Variants in MAP4K5 observed in about 807,000 individuals in gnomAD.
The protein encoded by MAP4K5 is mitogen-activated protein kinase kinase kinase kinase 5.
MAP4K5 carries 82 observed loss-of-function variants against 135.6 expected under a neutral mutation model. That is an observed-to-expected ratio of 0.60 (90% CI 0.51 to 0.73). The LOEUF is 0.73. Among genes scored for constraint, MAP4K5 ranks in the 30% least tolerant of loss-of-function variants. The probability of loss-of-function intolerance (pLI) is 0.00; values close to 1 mark genes in which losing one functional copy is unlikely to be tolerated. For missense variants in MAP4K5, 907 were observed against 1,010.9 expected, an observed-to-expected ratio of 0.90 and a Z score of 1.39; for synonymous variants, 347 against 335.0, an observed-to-expected ratio of 1.04 and a Z score of -0.39.
Position 50,419,323 on chromosome 14 carries a change from A to AGGGC in MAP4K5, c.*695_*696insGCCC, listed in dbSNP as rs2035672348. 1 of 152,242 alleles carries AGGGC rather than the reference A, an allele frequency of 6.6e-6. No individual in the cohort carries two copies. The highest frequency in any genetic ancestry group is 2.4e-5 in the African/African-American group (1 of 41,456). 9.4% of individuals were successfully genotyped at this position (152,242 alleles called of 1,614,324 possible). ...CTTACAACTATCTGTAGTTGAAAAC[A>AGGGC]TAAGACTCCCTTTTAAGGTAATTCT... On this transcript the variant is annotated 3_prime_UTR_variant, in exon 33 of 33. Coordinates refer to ENST00000682126, the MANE Select transcript of MAP4K5 (RefSeq NM_006575.6).
At chr14:50,518,261 T>A (rs899451811) in intron 2 of MAP4K5, among the ~76,000 whole-genome samples, 1 of 152,182 alleles carries the variant, frequency 6.6e-6, no homozygotes, top group African/African-American at 2.4e-5. Context: ...CCTAAACTCA[T>A]TAATTTTTTT....
intron 28 of MAP4K5, among the ~76,000 whole-genome samples, chr14:50,434,064 T>C (rs976163975): frequency 6.6e-6 from 1 of 152,198 alleles, no homozygotes; most frequent in Admixed American, 6.5e-5. Flanking sequence ...GTGAAGCTCT[T>C]TGCTTGAGGC....
intron 28 of MAP4K5, among the ~76,000 whole-genome samples, chr14:50,430,122 TCA>T (rs200135582): frequency 1.3e-5 from 2 of 151,704 alleles, no homozygotes; most frequent in African/African-American, 4.8e-5. Flanking sequence ...CTGAACATAT[TCA>T]CACACACACA....
At chr14:50,434,280 G>C in intron 28 of MAP4K5, 114 bp downstream of exon 28, 1 of 732,332 alleles carries the variant, frequency 1.4e-6, no homozygotes, top group Non-Finnish European at 2.2e-6. Context: ...GGGAAACTAT[G>C]TTTTGAATAT....
chr14:50,541,983 G>T (rs933690643), intron 2 of MAP4K5, among the ~76,000 whole-genome samples: 2 of 117,818 alleles, frequency 1.7e-5, no homozygotes, highest in African/African-American at 3.4e-5. Context: ...CTCCAGCCTG[G>T]GCGACAGAGC....
At chr14:50,504,679 T>C (rs2037772567) in intron 3 of MAP4K5, 121 bp downstream of exon 3, 1 of 708,144 alleles carries the variant, frequency 1.4e-6, no homozygotes, top group Non-Finnish European at 2.3e-6. Context: ...TTCAGGGTAA[T>C]TTAATTGAAG....
At chr14:50,457,203 C>CA (rs2139783563) in intron 13 of MAP4K5, among the ~76,000 whole-genome samples, 1 of 152,304 alleles carries the variant, frequency 6.6e-6, no homozygotes, top group African/African-American at 2.4e-5. Flanking sequence ...GCCCAATCGA[C>CA]AAAGGCTCTG....
At chr14:50,463,849 C>T (rs2036766649) in intron 12 of MAP4K5, among the ~76,000 whole-genome samples, 1 of 127,318 alleles carries the variant, frequency 7.9e-6, no homozygotes, top group Non-Finnish European at 1.6e-5. Context: ...TGAGATCATG[C>T]CACTGCACTC....
intron 2 of MAP4K5, among the ~76,000 whole-genome samples, chr14:50,524,361 T>G (rs2038214352): frequency 1.3e-5 from 2 of 152,166 alleles, no homozygotes; most frequent in South Asian, 4.2e-4. Context: ...AACTCCTTGC[T>G]TACATGACCA....
intron 2 of MAP4K5, among the ~76,000 whole-genome samples, chr14:50,539,896 T>C (rs141570667): frequency 1.3e-5 from 2 of 152,190 alleles, no homozygotes; most frequent in African/African-American, 4.8e-5. Context: ...GAAGAAAGAA[T>C]CTCAAGGTTT....
intron 3 of MAP4K5, among the ~76,000 whole-genome samples, chr14:50,488,822 C>T (rs2037422754): frequency 6.6e-6 from 1 of 152,116 alleles, no homozygotes; most frequent in African/African-American, 2.4e-5. Context: ...ATATATTCTT[C>T]GTATATCTGC....
intron 3 of MAP4K5, among the ~76,000 whole-genome samples, chr14:50,493,260 C>T (rs748867489): frequency 5.9e-5 from 9 of 151,978 alleles, no homozygotes; most frequent in Non-Finnish European, 1.2e-4. Context: ...CTGCCATATC[C>T]GGCTAATATT....
At chr14:50,479,088 T>C (rs1238576046) in intron 6 of MAP4K5, among the ~76,000 whole-genome samples, 1 of 151,870 alleles carries the variant, frequency 6.6e-6, no homozygotes, top group Admixed American at 6.6e-5. Context: ...TTAATAGTTA[T>C]CATCAAGTAT....
chr14:50,482,317 T>A, intron 6 of MAP4K5, 44 bp downstream of exon 6: 1 of 1,162,336 alleles, frequency 8.6e-7, no homozygotes, highest in East Asian at 2.9e-5. Flanking sequence ...TAAGAAAATA[T>A]TGCCTAGAAT....
chr14:50,560,580 A>G (rs1162852342), intron 1 of MAP4K5: 2 of 496,056 alleles, frequency 4.0e-6, no homozygotes, highest in Admixed American at 6.6e-5. Context: ...CAGCATTTGG[A>G]CAGCACCCAC....
chr14:50,556,266 G>A (rs1200572119), intron 1 of MAP4K5, among the ~76,000 whole-genome samples: 2 of 152,144 alleles, frequency 1.3e-5, no homozygotes, highest in African/African-American at 4.8e-5. Context: ...GTCTTGCTCT[G>A]TCATCCAGGC....
chr14:50,500,751 C>A (rs1408012165), intron 3 of MAP4K5, among the ~76,000 whole-genome samples: 3 of 152,072 alleles, frequency 2.0e-5, no homozygotes, highest in Non-Finnish European at 4.4e-5. Context: ...AGGATGTGTT[C>A]TGGAGGTAGA....
In MAP4K5 at chr14:50,419,260, G is replaced by A. The variant is rs1420889170; in HGVS notation, c.*759C>T. On this transcript the variant is annotated 3_prime_UTR_variant, in exon 33 of 33. Transcript: ENST00000682126. ...AGCTAGACATACACACCCCTTCTAA[G>A]AATATTTCAACTATCATCAATATCT... is the stretch of plus-strand genomic sequence containing the variant. The A allele has an allele frequency of 6.6e-6, 1 of 152,054 alleles. No homozygotes were observed. The highest frequency in any genetic ancestry group is 1.5e-5 in the Non-Finnish European group (1 of 67,966). The allele number at this position is 152,054 out of a possible 1,614,324, so 9.4% of individuals were successfully genotyped here.
chr14:50,429,483 C>T (rs1195182040), intron 28 of MAP4K5, among the ~76,000 whole-genome samples: 1 of 151,944 alleles, frequency 6.6e-6, no homozygotes, highest in African/African-American at 2.4e-5. Flanking sequence ...CTCAGTATTG[C>T]CTTTAATTAA....
Sources: gnomAD v4.1 joint callset for allele counts (sites outside exome capture counted in the v4.1 genomes callset) on GRCh38, gnomAD v4.1.1 for gene constraint, MANE v1.5 for transcripts, NCBI Gene and HGNC (gene_info 2026-07-23, HGNC 2026-07-21) for gene names.